The following ZNF646 variants were observed in gnomAD, a reference collection of about 807,000 sequenced individuals.
ZNF646 encodes zinc finger protein 646.
In ZNF646, 49 loss-of-function variants were observed where a neutral mutation model predicts 115.4. The ratio of observed to expected loss-of-function variants is 0.42; its 90% CI spans 0.34 to 0.54. ZNF646 has a LOEUF of 0.54. Among genes scored for constraint, ZNF646 ranks in the 20% least tolerant of loss-of-function variants. ZNF646 has a pLI of 0.04. For missense variants in ZNF646, 2,269 were observed against 2,457.9 expected (o/e 0.92, Z 1.62); for synonymous variants, 933 against 939.0 (o/e 0.99, Z 0.12).
Position 31,076,567 on chromosome 16 carries a change from C to T in ZNF646, c.243C>T (p.Gly81=), listed in dbSNP as rs2057078365. The T allele has an allele frequency of 6.2e-7, 1 of 1,612,252 alleles. No individual in the cohort carries two copies. The highest frequency in any genetic ancestry group is 8.5e-7 in the Non-Finnish European group (1 of 1,178,844). The part of the protein sequence containing the change: ...ETGLFPCTTC[G]KDFSNPMALK... ...GCCTTTTCCCCTGTACCACCTGTGG[C>T]AAGGACTTCTCCAATCCCATGGCTC... is the stretch of plus-strand genomic sequence containing the variant. Residue 81 remains glycine, a synonymous_variant, in exon 2 of 3, where the codon GGC becomes GGT. Coordinates refer to ENST00000300850, the MANE Select transcript of ZNF646 (RefSeq NM_014699.4).
chr16:31,081,753 A>C (rs765350777), intron 2 of ZNF646, 52 bp downstream of exon 2: 14 of 1,501,622 alleles, frequency 9.3e-6, no homozygotes, highest in Non-Finnish European at 1.2e-5. Context: ...TGGAGGGGGA[A>C]GTCCAGCCCC....
In ZNF646 at chr16:31,083,587, G is replaced by A; in HGVS notation, c.*495G>A. The A allele has an allele frequency of 2.7e-6, 4 of 1,465,484 alleles. No homozygotes were observed. The highest frequency in any genetic ancestry group is 2.8e-5 in the South Asian group (2 of 70,914). The allele number at this position is 1,465,484 out of a possible 1,614,324, so 90.8% of individuals were successfully genotyped here. A position where few individuals can be genotyped will look rare whatever the true frequency, so the allele number is the denominator to read the frequency against. ...GACGCCTGCTTGGTAGCAGAGTTGGGTGTGGGAGTGTCCACAGACACCCCT... is the reference window on the plus strand; with the variant it reads ...GACGCCTGCTTGGTAGCAGAGTTGGATGTGGGAGTGTCCACAGACACCCCT... On this transcript the variant is annotated 3_prime_UTR_variant, in exon 3 of 3. Coordinates refer to ENST00000300850, the MANE Select transcript of ZNF646 (RefSeq NM_014699.4).
Position 31,080,767 on chromosome 16 carries a change from G to A in ZNF646, c.4443G>A (p.Gln1481=), listed in dbSNP as rs1226663694. The change falls in exon 2 of 3, where the codon CAG becomes CAA. Residue 1481 remains glutamine (Q), a synonymous_variant. Transcript: ENST00000300850. ...LGNHSGGWVP[Q]FLTRSEEPED... ...ATCATAGTGGAGGCTGGGTTCCTCA[G>A]TTCCTAACTAGGTCAGAGGAGCCAG... 3.1e-6 allele frequency: 5 copies of A among 1,613,858 alleles called. No individual in the cohort carries two copies. The highest frequency in any genetic ancestry group is 1.7e-6 in the Non-Finnish European group (2 of 1,179,944).
rs1465603114 is a variant in ZNF646, at chr16:31,083,205, C to T, written c.*113C>T. 2.1e-6 allele frequency: 3 copies of T among 1,444,516 alleles called. No individual in the cohort carries two copies. The highest frequency in any genetic ancestry group is 2.9e-5 in the African/African-American group (2 of 69,264). 89.5% of individuals were successfully genotyped at this position (1,444,516 alleles called of 1,614,324 possible). A position where few individuals can be genotyped will look rare whatever the true frequency, so the allele number is the denominator to read the frequency against. ...GCATCCCCATATCTTCTCCTCTCCC[C>T]TTGTGAAGAGGACCCAGATCTGGCT... On this transcript the variant is annotated 3_prime_UTR_variant, in exon 3 of 3. Transcript: ENST00000300850.
At position 31,084,052 on chromosome 16, in the gene ZNF646, C is replaced by T. The variant is rs192462257; in HGVS notation, c.*960C>T. The T allele has an allele frequency of 1.7e-4, 263 of 1,526,404 alleles. No homozygotes were observed. Among genetic ancestry groups the T allele is most frequent in the Non-Finnish European group, 2.0e-4 (224 of 1,134,494 alleles). 94.6% of individuals were successfully genotyped at this position (1,526,404 alleles called of 1,614,324 possible). ...GCAGCTGGAGTGGGTTAGAACGGCA[C>T]GTTCTCACTGGAGAGAGAAGGGTCC... On this transcript the variant is annotated 3_prime_UTR_variant, in exon 3 of 3. Transcript: ENST00000300850.
Position 31,077,682 on chromosome 16 carries a change from A to C in ZNF646, c.1358A>C (p.Glu453Ala). The change falls in exon 2 of 3, where the codon GAA becomes GCA. Residue 453 changes from glutamate (E) to alanine (A), a missense_variant. By Grantham distance (107) the Glu-to-Ala change is moderately radical. Coordinates refer to ENST00000300850, the MANE Select transcript of ZNF646 (RefSeq NM_014699.4). Reference protein sequence around the residue: ...LLLAETTHKEEEDPTTTLDHR... With the variant: ...LLLAETTHKEAEDPTTTLDHR... Reference sequence around the variant, plus strand: ...CTGGCTGAGACCACCCACAAAGAGGAAGAGGACCCCACCACCACCCTGGAC... The same window carrying C: ...CTGGCTGAGACCACCCACAAAGAGGCAGAGGACCCCACCACCACCCTGGAC... 6.2e-7 allele frequency: 1 copy of C among 1,614,064 alleles called. No homozygotes were observed. The highest frequency in any genetic ancestry group is 8.5e-7 in the Non-Finnish European group (1 of 1,180,004).
rs776807301 is a variant in ZNF646, at chr16:31,083,830, T to G, written c.*738T>G. On this transcript the variant is annotated 3_prime_UTR_variant, in exon 3 of 3. Transcript: ENST00000300850. ...TTGGCCTGTGGGGAAGGAAGGAGGG[T>G]GGAGTTGTCCTCATCCTCACGGCTT... 6.2e-7 allele frequency: 1 copy of G among 1,613,772 alleles called. No individual in the cohort carries two copies. The highest frequency in any genetic ancestry group is 1.1e-5 in the South Asian group (1 of 91,058).
chr16:31,080,969 CACA>C lies in ZNF646; in HGVS notation c.4649_4651del (p.Asn1550del), dbSNP rs1200899977. The stretch of plus-strand genomic sequence containing the variant: ...CTGCCAGTCAGGCAGCCTCTTGAAC[CACA>C]ACACCAACAAGACAGACCGACACTA... On this transcript the variant is annotated inframe_deletion, in exon 2 of 3. Transcript: ENST00000300850. 6.2e-7 allele frequency: 1 copy of C among 1,614,156 alleles called. No individual in the cohort carries two copies.
chr16:31,082,973 G>A lies in ZNF646; in HGVS notation c.5380G>A (p.Ala1794Thr). The change falls in exon 3 of 3, where the codon GCC becomes ACC. Residue 1794 changes from alanine (A) to threonine (T), a missense_variant and splice_region_variant. Coordinates refer to ENST00000300850, the MANE Select transcript of ZNF646 (RefSeq NM_014699.4). Reference protein sequence around the residue: ...QEEWTVAGSGAPVAPVTGRGD... With the variant: ...QEEWTVAGSGTPVAPVTGRGD... ...ACCTCCTCTCTCTCTCCCCCCAGGA[G>A]CCCCAGTGGCACCAGTGACGGGCAG... The A allele has an allele frequency of 6.3e-7, 1 of 1,589,416 alleles. No individual in the cohort carries two copies. The highest frequency in any genetic ancestry group is 8.6e-7 in the Non-Finnish European group (1 of 1,167,284).
rs981606865 is a variant in ZNF646 at position 31,077,988 on chromosome 16, T to C, written c.1664T>C (p.Val555Ala). 2 of 1,614,016 alleles carry C rather than the reference T, an allele frequency of 1.2e-6. No homozygotes were observed. The highest frequency in any genetic ancestry group is 1.7e-6 in the Non-Finnish European group (2 of 1,180,030). ...EAAPHTDQDH[V>A]CKHEEEATDI... ...GCCCCGCACACAGATCAGGACCATGTGTGCAAACATGAAGAAGAGGCCACG... is the reference window on the plus strand; with the variant it reads ...GCCCCGCACACAGATCAGGACCATGCGTGCAAACATGAAGAAGAGGCCACG... The change falls in exon 2 of 3, where the codon GTG becomes GCG. Residue 555 changes from valine to alanine, a missense_variant. Physicochemically the swap from Val to Ala is moderately conservative, Grantham distance 64 (BLOSUM62 0). Transcript: ENST00000300850.
rs1596783599 is a variant in ZNF646, at chr16:31,083,719, G to T, written c.*627G>T. 1 of 1,612,534 alleles carries T rather than the reference G, an allele frequency of 6.2e-7. No individual in the cohort carries two copies. The highest frequency in any genetic ancestry group is 8.5e-7 in the Non-Finnish European group (1 of 1,179,520). ...TGCCTGGAATCACACATGACAGGGTGGGGAGGACAGGGGCAGTAATGCCAT... is the reference window on the plus strand; with the variant it reads ...TGCCTGGAATCACACATGACAGGGTTGGGAGGACAGGGGCAGTAATGCCAT... On this transcript the variant is annotated 3_prime_UTR_variant, in exon 3 of 3. Coordinates refer to ENST00000300850, the MANE Select transcript of ZNF646 (RefSeq NM_014699.4).
In ZNF646 at chr16:31,082,468, C is replaced by A. The variant is rs534604301; in HGVS notation, c.5378-503C>A. 9 of 185,470 alleles carry A rather than the reference C, an allele frequency of 4.9e-5. No homozygotes were observed. In the East Asian group the frequency reaches 9.4e-4, roughly 19 times the overall value. The allele number at this position is 185,470 out of a possible 1,614,324, so 11.5% of individuals were successfully genotyped here. ...TCACAGATAATTGTTTCCTTGAAGT[C>A]CAGGCCCAGCTGCAGCAACAACAGT... On this transcript the variant is annotated intron_variant, in intron 2 of 2. Transcript: ENST00000300850.
Position 31,080,955 on chromosome 16 carries a change from G to A in ZNF646, c.4631G>A (p.Gly1544Asp), listed in dbSNP as rs912914415. The A allele has an allele frequency of 9.9e-6, 16 of 1,614,014 alleles. No individual in the cohort carries two copies. Among genetic ancestry groups the A allele is most frequent in the Admixed American group, 3.3e-5 (2 of 60,008 alleles). Residue 1544 changes from glycine (G) to aspartate (D), a missense_variant, in exon 2 of 3, where the codon GGC becomes GAC. Gly to Asp is a moderately conservative substitution (Grantham distance 94). Around this residue, in one of 5 missense-constraint regions of ZNF646, gnomAD observed 1,062 missense variants for 1,172.8 expected, o/e 0.91. Coordinates refer to ENST00000300850, the MANE Select transcript of ZNF646 (RefSeq NM_014699.4). ...TGTGGCAAGACTTACTGCCAGTCAGGCAGCCTCTTGAACCACAACACCAAC... is the reference window on the plus strand; with the variant it reads ...TGTGGCAAGACTTACTGCCAGTCAGACAGCCTCTTGAACCACAACACCAAC... ...SQCGKTYCQS[G>D]SLLNHNTNKT...
At position 31,079,981 on chromosome 16, in the gene ZNF646, C is replaced by A; in HGVS notation, c.3657C>A (p.Ile1219=). The A allele has an allele frequency of 2.5e-6, 4 of 1,605,146 alleles. No individual in the cohort carries two copies. The highest frequency in any genetic ancestry group is 3.4e-6 in the Non-Finnish European group (4 of 1,174,694). The change falls in exon 2 of 3, where the codon ATC becomes ATA. Residue 1219 remains isoleucine, a synonymous_variant. Transcript: ENST00000300850. The surrounding 1 kb of genome is among the most constrained non-coding windows in gnomAD (Gnocchi z 5.5). The part of the protein sequence containing the change: ...GRSYKHAGSL[I]NHRQSHQTGH... Reference sequence around the variant, plus strand: ...CCTACAAGCACGCCGGCAGCCTCATCAACCACCGGCAGAGCCACCAGACCG... The same window carrying A: ...CCTACAAGCACGCCGGCAGCCTCATAAACCACCGGCAGAGCCACCAGACCG...
chr16:31,078,319 G>T lies in ZNF646; in HGVS notation c.1995G>T (p.Arg665=). Residue 665 remains arginine (R), a synonymous_variant, in exon 2 of 3, where the codon CGG becomes CGT. Transcript: ENST00000300850. ...CTGCCATGAAGAACCACTTGCGCCG[G>T]CACAGTCGGCGGCGGAGCAGGCGGC... ...TMAAMKNHLR[R]HSRRRSRRHR... is the part of the protein sequence containing the mutation. The T allele has an allele frequency of 6.2e-7, 1 of 1,613,602 alleles. No homozygotes were observed. Among genetic ancestry groups the T allele is most frequent in the Non-Finnish European group, 8.5e-7 (1 of 1,179,898 alleles).
chr16:31,083,867 T>C lies in ZNF646; in HGVS notation c.*775T>C, dbSNP rs1046721621. On this transcript the variant is annotated 3_prime_UTR_variant, in exon 3 of 3. Coordinates refer to ENST00000300850, the MANE Select transcript of ZNF646 (RefSeq NM_014699.4). ...CATCCTCACGGCTTTGGTCCCTCCCTCCCTCCCCATTCCTCGAAGGAACAG... is the reference window on the plus strand; with the variant it reads ...CATCCTCACGGCTTTGGTCCCTCCCCCCCTCCCCATTCCTCGAAGGAACAG... The C allele has an allele frequency of 1.0e-5, 14 of 1,342,204 alleles. No homozygotes were observed. Among genetic ancestry groups the C allele is most frequent in the East Asian group, 6.9e-5 (2 of 29,034 alleles). The allele number at this position is 1,342,204 out of a possible 1,614,324, so 83.1% of individuals were successfully genotyped here.
rs1348074777 is a variant in ZNF646 at position 31,083,544 on chromosome 16, A to G, written c.*452A>G. The G allele has an allele frequency of 7.0e-7, 1 of 1,425,586 alleles. No individual in the cohort carries two copies. Among genetic ancestry groups the G allele is most frequent in the Non-Finnish European group, 9.2e-7 (1 of 1,086,146 alleles). The allele number at this position is 1,425,586 out of a possible 1,614,324, so 88.3% of individuals were successfully genotyped here. ...TGGCGTGATTGTATCTGAAAGGGTA[A>G]AGGAGGAGGAAAGCTGAGACGCCTG... On this transcript the variant is annotated 3_prime_UTR_variant, in exon 3 of 3. Coordinates refer to ENST00000300850, the MANE Select transcript of ZNF646 (RefSeq NM_014699.4).
rs777548893 is a variant in ZNF646 at position 31,081,704 on chromosome 16, A to T, written c.5377+3A>T. On this transcript the variant is annotated splice_donor_region_variant and intron_variant, in intron 2 of 2. Coordinates refer to ENST00000300850, the MANE Select transcript of ZNF646 (RefSeq NM_014699.4). ...GGAGTGGACGGTGGCCGGCTCCGGT[A>T]GGGGGCATGAAGGGTCCCAGGAGGA... 3.8e-6 allele frequency: 6 copies of T among 1,576,316 alleles called. No individual in the cohort carries two copies. The South Asian group carries it at 7.1e-5, about 19-fold the overall frequency.
At position 31,077,103 on chromosome 16, in the gene ZNF646, G is replaced by A. The variant is rs1254483937; in HGVS notation, c.779G>A (p.Ser260Asn). ...HAGSLTNHRQ[S>N]HTLGIYPCAI... ...GGGAGCCTCACCAACCACCGCCAGA[G>A]CCACACGCTGGGCATCTACCCCTGT... Residue 260 changes from serine to asparagine, a missense_variant, in exon 2 of 3, where the codon AGC becomes AAC. Ser to Asn is a conservative substitution (Grantham distance 46). Coordinates refer to ENST00000300850, the MANE Select transcript of ZNF646 (RefSeq NM_014699.4). The A allele has an allele frequency of 6.2e-7, 1 of 1,614,066 alleles. No homozygotes were observed. Among genetic ancestry groups the A allele is most frequent in the East Asian group, 2.2e-5 (1 of 44,894 alleles).
Sources: allele counts gnomAD v4.1 joint callset, GRCh38; gene constraint gnomAD v4.1.1; regional missense constraint gnomAD v4.1.1; non-coding constraint Gnocchi (gnomAD v3.1); transcripts MANE v1.5; gene names NCBI Gene and HGNC (gene_info 2026-07-23, HGNC 2026-07-21).